RBFOX1: variants seen among roughly 807,000 people sequenced by gnomAD.
The protein encoded by RBFOX1 is RNA binding fox-1 homolog 1, also known as RNA binding protein fox-1 homolog 1.
In RBFOX1, 8 loss-of-function variants were observed where a neutral mutation model predicts 57.7. That is an observed-to-expected ratio of 0.14 (90% CI 0.08 to 0.25). RBFOX1 has a LOEUF of 0.25. RBFOX1 is among the 10% of genes least tolerant of loss of function. The probability of loss-of-function intolerance (pLI) is 1.00; values close to 1 mark genes in which losing one functional copy is unlikely to be tolerated. For missense variants in RBFOX1, 611 were observed against 548.5 expected (o/e 1.11, Z -1.14); for synonymous variants, 326 against 222.4 (o/e 1.47, Z -4.15).
intron 1 of RBFOX1, among the ~76,000 whole-genome samples, chr16:6,099,810 C>T (rs2096283143): frequency 6.6e-6 from 1 of 152,182 alleles, no homozygotes; most frequent in African/African-American, 2.4e-5. Context: ...GGCATCCTTC[C>T]CTTTTCTCAA....
At chr16:6,798,698 A>G (rs2084669047) in intron 3 of RBFOX1, among the ~76,000 whole-genome samples, 1 of 152,196 alleles carries the variant, frequency 6.6e-6, no homozygotes, top group Non-Finnish European at 1.5e-5. Flanking sequence ...TAAGTTGTTT[A>G]TATGAACTAA....
chr16:6,865,516 G>T lies in RBFOX1; in HGVS notation c.-15-186541G>T, dbSNP rs74007783. Reference sequence around the variant, plus strand: ...AACATTTATTTAACACATGGTTAATGACTTGCTACTATGCTGCAGGAATTG... The same window carrying T: ...AACATTTATTTAACACATGGTTAATTACTTGCTACTATGCTGCAGGAATTG... On this transcript the variant is annotated intron_variant, in intron 3 of 15. Coordinates refer to ENST00000550418, the MANE Select transcript of RBFOX1 (RefSeq NM_018723.4). Among the ~76,000 whole-genome samples, 466 of 152,214 alleles carry T rather than the reference G, an allele frequency of 3.1e-3. 5 individuals are homozygous for T. The highest frequency in any genetic ancestry group is 0.011 in the African/African-American group (438 of 41,524).
chr16:5,259,422 G>T (rs763976446), intron 1 of RBFOX1, among the ~76,000 whole-genome samples: 1 of 152,134 alleles, frequency 6.6e-6, no homozygotes, highest in South Asian at 2.1e-4. Context: ...CTAGTCTTTG[G>T]TGCTATTCTG....
intron 4 of RBFOX1, among the ~76,000 whole-genome samples, chr16:7,201,617 C>T (rs1350591671): frequency 6.6e-6 from 1 of 152,058 alleles, no homozygotes; most frequent in Middle Eastern, 3.2e-3. Flanking sequence ...TGTCCAACAC[C>T]ACGCCTGGCT....
At chr16:5,840,430 T>C (rs959609030) in intron 3 of RBFOX1, among the ~76,000 whole-genome samples, 7 of 152,208 alleles carry the variant, frequency 4.6e-5, no homozygotes, top group African/African-American at 1.7e-4. Context: ...CAGAGGATGC[T>C]GTGCTCTGCG....
intron 4 of RBFOX1, among the ~76,000 whole-genome samples, chr16:7,253,329 G>C (rs2094559220): frequency 6.6e-6 from 1 of 152,144 alleles, no homozygotes. Context: ...TGGCAACAAG[G>C]AAGAGCGGAG....
chr16:6,377,677 A>G (rs1045238295), intron 2 of RBFOX1, among the ~76,000 whole-genome samples: 3 of 152,162 alleles, frequency 2.0e-5, no homozygotes, highest in Non-Finnish European at 2.9e-5. Flanking sequence ...TTGCTGTTCT[A>G]CCCTCTACAG....
intron 1 of RBFOX1, among the ~76,000 whole-genome samples, chr16:6,027,650 C>A (rs932496855): frequency 6.6e-5 from 10 of 152,146 alleles, no homozygotes; most frequent in Non-Finnish European, 1.0e-4. Context: ...AAGTAGGAGT[C>A]ATAGGGCTGA....
At chr16:6,060,122 GT>G (rs199690584) in intron 1 of RBFOX1, among the ~76,000 whole-genome samples, 62 of 114,150 alleles carry the variant, frequency 5.4e-4, no homozygotes, top group Non-Finnish European at 8.8e-4. Context: ...TAGGATTAGG[GT>G]TTTTTTTTTT....
At chr16:6,348,847 ATT>A (rs1233137085) in intron 2 of RBFOX1, among the ~76,000 whole-genome samples, 1 of 152,152 alleles carries the variant, frequency 6.6e-6, no homozygotes, top group African/African-American at 2.4e-5. Context: ...TGAACGTGAG[ATT>A]TGGACGGAGA....
intron 1 of RBFOX1, among the ~76,000 whole-genome samples, chr16:5,438,585 G>C (rs544866799): frequency 3.9e-5 from 6 of 152,260 alleles, no homozygotes; most frequent in African/African-American, 1.4e-4. Context: ...TGGCCTGGTT[G>C]CAGCCCCCTA....
chr16:5,246,266 A>G (rs1454397088), intron 1 of RBFOX1, among the ~76,000 whole-genome samples: 1 of 152,204 alleles, frequency 6.6e-6, no homozygotes, highest in Non-Finnish European at 1.5e-5. Flanking sequence ...AATAAATAAA[A>G]TTCTGAATTT....
At chr16:6,735,782 G>A (rs570831549) in intron 3 of RBFOX1, among the ~76,000 whole-genome samples, 136 of 152,248 alleles carry the variant, frequency 8.9e-4, no homozygotes, top group African/African-American at 3.2e-3. Flanking sequence ...GGTGATCTGT[G>A]GTTCCTCTCC....
At position 6,943,698 on chromosome 16, in the gene RBFOX1, ACT is replaced by A. The variant is rs540995937; in HGVS notation, c.-15-108356_-15-108355del. ...ACTCCAGCCTGGGCGAGAGAGTGAG[ACT>A]CTGTCTTTAAAAAAAAAAAAAAAAA... On this transcript the variant is annotated intron_variant, in intron 3 of 15. Coordinates refer to ENST00000550418, the MANE Select transcript of RBFOX1 (RefSeq NM_018723.4). 6.0e-3 allele frequency among the ~76,000 whole-genome samples: 868 copies of A among 145,200 alleles called. 7 individuals carry two copies. The highest frequency in any genetic ancestry group is 0.032 in the Middle Eastern group (9 of 280).
At chr16:5,825,703 C>A (rs975870125) in intron 3 of RBFOX1, among the ~76,000 whole-genome samples, 20 of 152,150 alleles carry the variant, frequency 1.3e-4, no homozygotes, top group African/African-American at 4.8e-4. Flanking sequence ...AAGCCTCATA[C>A]CTATTAAGCA....
chr16:6,262,732 G>C (rs996150122), intron 1 of RBFOX1, among the ~76,000 whole-genome samples: 1 of 152,160 alleles, frequency 6.6e-6, no homozygotes. Context: ...AGAGAAAGAT[G>C]TCTCTGCCAG....
intron 4 of RBFOX1, among the ~76,000 whole-genome samples, chr16:7,284,365 C>T (rs1225386197): frequency 6.6e-6 from 1 of 152,178 alleles, no homozygotes; most frequent in Non-Finnish European, 1.5e-5. Context: ...GACTCCTGCT[C>T]TGTATCCCAG....
At chr16:7,078,783 A>G (rs1237957902) in intron 4 of RBFOX1, among the ~76,000 whole-genome samples, 1 of 149,034 alleles carries the variant, frequency 6.7e-6, no homozygotes, top group Non-Finnish European at 1.5e-5. Context: ...CCCGAGTTCA[A>G]GCGATTCTCC....
chr16:7,298,313 TACTC>T (rs2095947919), intron 4 of RBFOX1, among the ~76,000 whole-genome samples: 1 of 139,882 alleles, frequency 7.1e-6, no homozygotes, highest in Admixed American at 7.3e-5. Flanking sequence ...TTTTGAGATA[TACTC>T]ACTCTTTTGC....
Sources: allele counts gnomAD v4.1 joint callset (sites outside exome capture counted in the v4.1 genomes callset), GRCh38; gene constraint gnomAD v4.1.1; transcripts MANE v1.5; gene names NCBI Gene and HGNC (gene_info 2026-07-23, HGNC 2026-07-21).